The following MBNL1 variants were observed in gnomAD, a reference collection of about 807,000 sequenced individuals.
The protein encoded by MBNL1 is muscleblind like splicing regulator 1.
A neutral mutation model predicts 42.2 loss-of-function variants in MBNL1; 8 were observed. The ratio of observed to expected loss-of-function variants is 0.19; its 90% CI spans 0.11 to 0.34. The LOEUF (loss-of-function observed/expected upper bound fraction) is 0.34. Ranked by LOEUF, MBNL1 falls within the 10% of genes least tolerant of loss-of-function variation. MBNL1 has a pLI of 1.00. For synonymous variants in MBNL1, 169 were observed against 173.9 expected (o/e 0.97, Z 0.22); for missense variants, 309 against 495.3 (o/e 0.62, Z 3.57).
chr3:152,264,440 C>G (rs574459600), upstream of MBNL1: 2 of 152,242 alleles, frequency 1.3e-5, no homozygotes, highest in Non-Finnish European at 2.9e-5. Context: ...TCATGTAGCA[C>G]CTCCTTACAT....
At chr3:152,311,368 A>T (rs1052699313) in intron 2 of MBNL1, among the ~76,000 whole-genome samples, 1 of 152,120 alleles carries the variant, frequency 6.6e-6, no homozygotes, top group Non-Finnish European at 1.5e-5. Context: ...TATTTATATT[A>T]TATTGTTTCT....
At chr3:152,360,508 C>T (rs2095855013) in intron 2 of MBNL1, among the ~76,000 whole-genome samples, 1 of 152,020 alleles carries the variant, frequency 6.6e-6, no homozygotes, top group African/African-American at 2.4e-5. Flanking sequence ...TCTCTCTGTC[C>T]TTTAAGACTC....
intron 1 of MBNL1, among the ~76,000 whole-genome samples, chr3:152,274,863 A>T (rs1261042227): frequency 6.6e-6 from 1 of 152,186 alleles, no homozygotes; most frequent in East Asian, 1.9e-4. Flanking sequence ...TTGGTACTAC[A>T]GTTTACTAGT....
chr3:152,308,489 G>T (rs549195671), intron 2 of MBNL1, among the ~76,000 whole-genome samples: 3 of 152,158 alleles, frequency 2.0e-5, no homozygotes, highest in Admixed American at 6.5e-5. Context: ...CATTTGCTTA[G>T]AATCAGCAGG....
chr3:152,390,613 G>GCACACACACACA (rs3220073), intron 2 of MBNL1, among the ~76,000 whole-genome samples: 5,231 of 147,184 alleles, frequency 0.036, 130 homozygotes, highest in Non-Finnish European at 0.056. Context: ...GTATTGTTAT[G>GCACACACACACA]CACACACACA....
intron 2 of MBNL1, among the ~76,000 whole-genome samples, chr3:152,410,925 A>G (rs1465300584): frequency 6.6e-6 from 1 of 152,228 alleles, no homozygotes; most frequent in Non-Finnish European, 1.5e-5. Flanking sequence ...ATACGCTGCT[A>G]AATTGAGCAA....
intron 9 of MBNL1, among the ~76,000 whole-genome samples, 185 bp from the exon 10 acceptor site, chr3:152,462,200 T>G (rs1747388606): frequency 6.6e-6 from 1 of 152,194 alleles, no homozygotes; most frequent in Non-Finnish European, 1.5e-5. Context: ...TGTTATTTCA[T>G]TCGTGTAGAG....
At chr3:152,302,579 G>C (rs766274741) in intron 2 of MBNL1, 1 of 152,082 alleles carries the variant, frequency 6.6e-6, no homozygotes, top group Non-Finnish European at 1.5e-5. Context: ...CAGTCCTCTT[G>C]TATTCAGTCT....
intron 2 of MBNL1, among the ~76,000 whole-genome samples, chr3:152,245,499 A>T (rs1049383002): frequency 6.6e-6 from 1 of 152,192 alleles, no homozygotes; most frequent in Non-Finnish European, 1.5e-5. Context: ...ACCGTGTGAG[A>T]TTTGGTAAGT....
At chr3:152,370,609 CCTA>C (rs2096615537) in intron 2 of MBNL1, among the ~76,000 whole-genome samples, 1 of 152,078 alleles carries the variant, frequency 6.6e-6, no homozygotes, top group Admixed American at 6.5e-5. Context: ...GTTAAAGTCT[CCTA>C]CTATTAATTG....
chr3:152,246,332 A>C (rs1161922627), intron 2 of MBNL1, among the ~76,000 whole-genome samples: 1 of 152,134 alleles, frequency 6.6e-6, no homozygotes, highest in South Asian at 2.1e-4. Flanking sequence ...AGAAGATACT[A>C]TCTTTCTGGC....
chr3:152,340,583 C>T (rs984919562), intron 2 of MBNL1: 1 of 1,613,796 alleles, frequency 6.2e-7, no homozygotes, highest in Admixed American at 1.7e-5. Context: ...ATCTGTTCAC[C>T]ATACATACTT....
chr3:152,297,708 G>A (rs1270570662), intron 1 of MBNL1, among the ~76,000 whole-genome samples: 1 of 152,010 alleles, frequency 6.6e-6, no homozygotes, highest in Non-Finnish European at 1.5e-5. Flanking sequence ...CCAAGCTGGA[G>A]TGCAGTGGTG....
At chr3:152,304,972 A>G (rs1242919955) in intron 2 of MBNL1, among the ~76,000 whole-genome samples, 1 of 152,130 alleles carries the variant, frequency 6.6e-6, no homozygotes, top group Non-Finnish European at 1.5e-5. Flanking sequence ...TTCTAGAACT[A>G]TTTATTTTGC....
intron 4 of MBNL1, among the ~76,000 whole-genome samples, chr3:152,440,030 C>A (rs975494529): frequency 5.3e-5 from 8 of 151,938 alleles, no homozygotes; most frequent in Non-Finnish European, 8.8e-5. Flanking sequence ...TTTGGTCATT[C>A]CTATTCAGAT....
intron 1 of MBNL1, among the ~76,000 whole-genome samples, chr3:152,298,314 A>G (rs1335140272): frequency 6.6e-6 from 1 of 152,170 alleles, no homozygotes; most frequent in East Asian, 1.9e-4. Flanking sequence ...AAATCCTGAT[A>G]GAAAAAGTAA....
intron 2 of MBNL1, among the ~76,000 whole-genome samples, chr3:152,305,533 T>C (rs1247452417): frequency 1.3e-5 from 2 of 152,076 alleles, no homozygotes; most frequent in Non-Finnish European, 2.9e-5. Flanking sequence ...TCCTGTGCTT[T>C]TAGATAGGTG....
At chr3:152,374,185 T>G (rs1166837705) in intron 2 of MBNL1, among the ~76,000 whole-genome samples, 1 of 152,206 alleles carries the variant, frequency 6.6e-6, no homozygotes, top group Non-Finnish European at 1.5e-5. Flanking sequence ...ACTTTTAAAT[T>G]TCATATGTAC....
At chr3:152,376,599 T>A (rs2096912047) in intron 2 of MBNL1, among the ~76,000 whole-genome samples, 1 of 152,326 alleles carries the variant, frequency 6.6e-6, no homozygotes, top group South Asian at 2.1e-4. Context: ...GATGATCATA[T>A]ATTAAATATA....
Sources: gnomAD v4.1 joint callset for allele counts (sites outside exome capture counted in the v4.1 genomes callset) on GRCh38, gnomAD v4.1.1 for gene constraint, MANE v1.5 for transcripts, NCBI Gene and HGNC (gene_info 2026-07-23, HGNC 2026-07-21) for gene names.